CCDC60: variants seen among roughly 807,000 people sequenced by gnomAD.
CCDC60 encodes coiled-coil domain-containing protein 60.
Under a neutral mutation model 63.5 loss-of-function variants are expected in CCDC60, and 54 were observed. The ratio of observed to expected loss-of-function variants is 0.85; its 90% CI spans 0.68 to 1.07. CCDC60 has a LOEUF of 1.07. Ranked by LOEUF, CCDC60 falls within the 50% of genes least tolerant of loss-of-function variation. The pLI is 0.00. For synonymous variants in CCDC60, 206 were observed against 238.8 expected (o/e 0.86, Z 1.27); for missense variants, 651 against 684.3 (o/e 0.95, Z 0.54).
At chr12:119,477,989 T>C (rs1951216084) in intron 3 of CCDC60, among the ~76,000 whole-genome samples, 2 of 152,210 alleles carry the variant, frequency 1.3e-5, no homozygotes, top group Admixed American at 1.3e-4. Flanking sequence ...AAAATATATC[T>C]GTGGGCTGAA....
intron 7 of CCDC60, among the ~76,000 whole-genome samples, chr12:119,508,098 G>A (rs1952104042): frequency 6.6e-6 from 1 of 152,014 alleles, no homozygotes; most frequent in Non-Finnish European, 1.5e-5. Flanking sequence ...TTGAGTCCAG[G>A]ATTTCAAGAT....
At chr12:119,467,594 G>T (rs1461760774) in intron 2 of CCDC60, among the ~76,000 whole-genome samples, 1 of 152,192 alleles carries the variant, frequency 6.6e-6, no homozygotes, top group Non-Finnish European at 1.5e-5. Context: ...CCCTGATCTT[G>T]GGCTTCCAGC....
chr12:119,439,963 T>C (rs992081370), intron 2 of CCDC60, among the ~76,000 whole-genome samples: 9 of 151,938 alleles, frequency 5.9e-5, no homozygotes, highest in East Asian at 1.9e-4. Flanking sequence ...AACACAGGAA[T>C]TGAAAGCCAA....
rs1279721064 is a variant in CCDC60, at chr12:119,410,905, G to C, written c.91-17778G>C. 2.5e-5 allele frequency among the ~76,000 whole-genome samples: 3 copies of C among 121,242 alleles called. No individual in the cohort carries two copies. The highest frequency in any genetic ancestry group is 9.3e-5 in the African/African-American group (3 of 32,366). 79.5% of individuals were successfully genotyped at this position (121,242 alleles called of 152,430 possible). On this transcript the variant is annotated intron_variant, in intron 1 of 13. Coordinates refer to ENST00000327554, the MANE Select transcript of CCDC60 (RefSeq NM_178499.5). This position sits in a 1 kb window ranked among gnomAD's most constrained non-coding sequence, Gnocchi z 4.0. ...CTACAGGCACGCACCACTACACTCA[G>C]CTAATTTTTGTATTTTTTTTTAGTA...
chr12:119,528,600 C>A lies in CCDC60; in HGVS notation c.1230-15C>A. 1 of 1,608,424 alleles carries A rather than the reference C, an allele frequency of 6.2e-7. No homozygotes were observed. Among genetic ancestry groups the A allele is most frequent in the South Asian group, 1.1e-5 (1 of 90,070 alleles). On this transcript the variant is annotated splice_polypyrimidine_tract_variant and intron_variant, in intron 11 of 13. Coordinates refer to ENST00000327554, the MANE Select transcript of CCDC60 (RefSeq NM_178499.5). ...GGATCTCATTCTTCTCTCTCTTTCT[C>A]ATACAACCTTGTAGGCGCCAAGAAG...
intron 1 of CCDC60, among the ~76,000 whole-genome samples, chr12:119,419,969 T>C (rs10849661): frequency 0.64 from 95,607 of 148,530 alleles, 31,207 homozygotes; most frequent in African/African-American, 0.75. Context: ...CTCCGCCTCC[T>C]GGGTTCACGC....
intron 4 of CCDC60, among the ~76,000 whole-genome samples, chr12:119,481,760 C>T (rs940343268): frequency 1.5e-4 from 23 of 151,856 alleles, no homozygotes; most frequent in African/African-American, 5.6e-4. Context: ...TCCTTCCCAC[C>T]CCTTTCCCTT....
chr12:119,460,684 G>T (rs1022759723), intron 2 of CCDC60, among the ~76,000 whole-genome samples: 1 of 152,190 alleles, frequency 6.6e-6, no homozygotes. Flanking sequence ...AGCTGAGAAA[G>T]CTCATTTTAT....
chr12:119,350,949 G>A (rs1955650465), intron 1 of CCDC60, among the ~76,000 whole-genome samples: 1 of 152,176 alleles, frequency 6.6e-6, no homozygotes, highest in African/African-American at 2.4e-5. Context: ...TGACGCAGCA[G>A]CTATTCTCCA....
At chr12:119,536,322 T>C (rs1288827983) in intron 13 of CCDC60, among the ~76,000 whole-genome samples, 1 of 152,192 alleles carries the variant, frequency 6.6e-6, no homozygotes, top group Non-Finnish European at 1.5e-5. Flanking sequence ...GCACGTGAGA[T>C]GGGTCTACTG....
intron 1 of CCDC60, among the ~76,000 whole-genome samples, chr12:119,412,542 G>C (rs1956621771): frequency 6.6e-6 from 1 of 152,124 alleles, no homozygotes; most frequent in African/African-American, 2.4e-5. Context: ...TCCAAGAAAG[G>C]AAGTAAACTG....
intron 8 of CCDC60, among the ~76,000 whole-genome samples, chr12:119,519,225 C>A (rs1419768062): frequency 6.6e-6 from 1 of 152,100 alleles, no homozygotes; most frequent in Non-Finnish European, 1.5e-5. Context: ...CACATCCAGC[C>A]CCCAGCCTCA....
intron 2 of CCDC60, among the ~76,000 whole-genome samples, chr12:119,435,529 C>T (rs1023999867): frequency 3.3e-5 from 5 of 152,180 alleles, no homozygotes; most frequent in Non-Finnish European, 5.9e-5. Flanking sequence ...ATTAACCTGT[C>T]TTGCAAATCC....
intron 1 of CCDC60, among the ~76,000 whole-genome samples, chr12:119,341,024 G>C (rs1310202596): frequency 6.6e-6 from 1 of 152,126 alleles, no homozygotes; most frequent in African/African-American, 2.4e-5. Context: ...CTCTCCAAGA[G>C]GTTCTTCTAG....
intron 5 of CCDC60, among the ~76,000 whole-genome samples, chr12:119,498,783 G>A (rs911636641): frequency 5.3e-5 from 8 of 152,210 alleles, no homozygotes; most frequent in Non-Finnish European, 8.8e-5. Flanking sequence ...TATATGGACA[G>A]AGAGATTGAT....
At chr12:119,512,767 T>C (rs1185293701) in intron 7 of CCDC60, among the ~76,000 whole-genome samples, 1 of 152,250 alleles carries the variant, frequency 6.6e-6, no homozygotes, top group Non-Finnish European at 1.5e-5. Flanking sequence ...TATTTGTTCA[T>C]TTTGAGATGC....
At chr12:119,342,852 AC>A (rs1955546328) in intron 1 of CCDC60, among the ~76,000 whole-genome samples, 1 of 152,124 alleles carries the variant, frequency 6.6e-6, no homozygotes, top group Non-Finnish European at 1.5e-5. Context: ...TATTCCTGTG[AC>A]CCCCATCTGT....
chr12:119,363,062 C>T (rs1955806746), intron 1 of CCDC60, among the ~76,000 whole-genome samples: 1 of 152,206 alleles, frequency 6.6e-6, no homozygotes, highest in Non-Finnish European at 1.5e-5. Context: ...TGCACCGCTG[C>T]ACCCCAGCCT....
chr12:119,484,073 T>C (rs955578342), intron 4 of CCDC60, among the ~76,000 whole-genome samples: 6 of 152,166 alleles, frequency 3.9e-5, no homozygotes, highest in Non-Finnish European at 8.8e-5. Context: ...GTCTCTACCC[T>C]GTAACAAGAG....
Sources: allele counts gnomAD v4.1 joint callset (sites outside exome capture counted in the v4.1 genomes callset), GRCh38; gene constraint gnomAD v4.1.1; non-coding constraint Gnocchi (gnomAD v3.1); transcripts MANE v1.5; gene names NCBI Gene and HGNC (gene_info 2026-07-23, HGNC 2026-07-21).